The following SPON1 variants were observed in gnomAD, a reference collection of about 807,000 sequenced individuals.
The protein encoded by SPON1 is spondin 1, also known as spondin-1.
In SPON1, 52 loss-of-function variants were observed where a neutral mutation model predicts 111.7. That is an observed-to-expected ratio of 0.47 (90% CI 0.37 to 0.59). The LOEUF is 0.59. Among genes scored for constraint, SPON1 ranks in the 20% least tolerant of loss-of-function variants. The pLI is 0.00. For missense variants in SPON1, 957 were observed against 1,068.5 expected (o/e 0.90, Z 1.46); for synonymous variants, 410 against 395.8 (o/e 1.04, Z -0.43).
chr11:14,167,880 A>C (rs782466384), intron 6 of SPON1, among the ~76,000 whole-genome samples: 2 of 152,210 alleles, frequency 1.3e-5, no homozygotes, highest in African/African-American at 2.4e-5. Flanking sequence ...CATAAAATTA[A>C]CCAAACCCTT....
At chr11:14,257,616 C>A in intron 10 of SPON1, 100 bp from the exon 11 acceptor site, 1 of 1,175,566 alleles carries the variant, frequency 8.5e-7, no homozygotes, top group African/African-American at 1.6e-5. Context: ...GTCAGTCTGG[C>A]AGCATGGCTT....
chr11:14,066,422 A>G (rs999257747), intron 3 of SPON1, among the ~76,000 whole-genome samples: 8 of 152,210 alleles, frequency 5.3e-5, no homozygotes, highest in Non-Finnish European at 4.4e-5. Flanking sequence ...GTTTAAAACA[A>G]TTATAGAAAA....
intron 6 of SPON1, among the ~76,000 whole-genome samples, chr11:14,240,812 G>C (rs1369824988): frequency 3.3e-5 from 5 of 152,136 alleles, no homozygotes; most frequent in Non-Finnish European, 4.4e-5. Context: ...ACTGTCATCA[G>C]ACAGTATCTC....
intron 6 of SPON1, among the ~76,000 whole-genome samples, chr11:14,237,176 G>GA (rs1282019376): frequency 6.6e-6 from 1 of 152,212 alleles, no homozygotes; most frequent in East Asian, 1.9e-4. Context: ...ACCCAGGCAT[G>GA]AAAAAGTTAC....
intron 5 of SPON1, among the ~76,000 whole-genome samples, chr11:14,122,824 T>C (rs1273264494): frequency 6.6e-6 from 1 of 152,164 alleles, no homozygotes; most frequent in Non-Finnish European, 1.5e-5. Context: ...TGTTTTAAAG[T>C]TCTTGTACGT....
At chr11:14,018,827 T>C (rs1254215387) in intron 2 of SPON1, among the ~76,000 whole-genome samples, 1 of 152,102 alleles carries the variant, frequency 6.6e-6, no homozygotes, top group Non-Finnish European at 1.5e-5. Flanking sequence ...GCAAGTTCAG[T>C]GGGCTGGAGG....
rs1848208429 is a variant in SPON1, at chr11:13,989,153, A to AT, written c.345+6202dup. Among the ~76,000 whole-genome samples, 7 of 152,304 alleles carry AT rather than the reference A, an allele frequency of 4.6e-5. No homozygotes were observed. In the South Asian group the frequency reaches 1.5e-3, roughly 32 times the overall value. On this transcript the variant is annotated intron_variant, in intron 2 of 15. Transcript: ENST00000576479. ...AGCTCCTCTTTGTACCTCTGGTAGA[A>AT]TTCAGCTGTGAATCCGTCTGGTCCT...
At chr11:14,152,702 T>C (rs1847802243) in intron 6 of SPON1, among the ~76,000 whole-genome samples, 1 of 152,228 alleles carries the variant, frequency 6.6e-6, no homozygotes, top group Non-Finnish European at 1.5e-5. Flanking sequence ...ACAGGTACTT[T>C]CATATTATCT....
At chr11:14,117,301 A>G (rs1482680862) in intron 5 of SPON1, among the ~76,000 whole-genome samples, 2 of 152,216 alleles carry the variant, frequency 1.3e-5, no homozygotes, top group East Asian at 3.8e-4. Context: ...ATCATTAAGT[A>G]AGATTATTGC....
intron 5 of SPON1, among the ~76,000 whole-genome samples, chr11:14,093,321 T>C (rs1849073718): frequency 6.6e-6 from 1 of 152,232 alleles, no homozygotes; most frequent in Non-Finnish European, 1.5e-5. Flanking sequence ...GCCCATTCTT[T>C]GCCAAGGAAT....
At chr11:14,121,825 A>G (rs1438105974) in intron 5 of SPON1, among the ~76,000 whole-genome samples, 1 of 152,160 alleles carries the variant, frequency 6.6e-6, no homozygotes, top group Admixed American at 6.5e-5. Context: ...TATTTAAAAA[A>G]ACGTTTTATT....
chr11:13,964,738 G>A (rs1314352724), intron 1 of SPON1, among the ~76,000 whole-genome samples: 3 of 152,182 alleles, frequency 2.0e-5, no homozygotes, highest in Non-Finnish European at 4.4e-5. Flanking sequence ...CGCGCCGACG[G>A]GCGGCGACTG....
intron 5 of SPON1, among the ~76,000 whole-genome samples, chr11:14,086,576 A>G (rs1849008282): frequency 6.6e-6 from 1 of 152,202 alleles, no homozygotes; most frequent in South Asian, 2.1e-4. Context: ...TTTCACATCA[A>G]TGTTCATCAG....
chr11:14,263,467 C>T (rs758888013), intron 15 of SPON1, among the ~76,000 whole-genome samples: 3 of 152,110 alleles, frequency 2.0e-5, no homozygotes, highest in Non-Finnish European at 2.9e-5. Context: ...AAGGGTGTGG[C>T]TCAGACAAGG....
At chr11:14,249,437 AAC>A (rs1453316155) in intron 7 of SPON1, among the ~76,000 whole-genome samples, 11 of 152,190 alleles carry the variant, frequency 7.2e-5, no homozygotes, top group African/African-American at 2.7e-4. Flanking sequence ...CCTGGTTATA[AAC>A]ACAGCGTTTT....
chr11:14,232,483 G>A (rs148429246), intron 6 of SPON1, among the ~76,000 whole-genome samples: 8 of 152,242 alleles, frequency 5.3e-5, no homozygotes, highest in Admixed American at 1.3e-4. Context: ...ACTAACCAGA[G>A]CACCTGCAGA....
intron 6 of SPON1, among the ~76,000 whole-genome samples, chr11:14,201,990 A>G (rs1848469759): frequency 6.6e-6 from 1 of 152,230 alleles, no homozygotes; most frequent in African/African-American, 2.4e-5. Flanking sequence ...TACAAAATGG[A>G]TAAATTATTC....
At chr11:14,097,221 A>T (rs533208347) in intron 5 of SPON1, among the ~76,000 whole-genome samples, 2 of 152,352 alleles carry the variant, frequency 1.3e-5, no homozygotes, top group Admixed American at 6.5e-5. Flanking sequence ...TATAAAGTAG[A>T]TTATTAGATA....
chr11:14,094,588 A>G (rs188607317), intron 5 of SPON1, among the ~76,000 whole-genome samples: 30 of 152,284 alleles, frequency 2.0e-4, no homozygotes, highest in Admixed American at 7.8e-4. Flanking sequence ...TAAAACCACT[A>G]GGGTGTTGGC....
Sources: allele counts gnomAD v4.1 joint callset (sites outside exome capture counted in the v4.1 genomes callset), GRCh38; gene constraint gnomAD v4.1.1; transcripts MANE v1.5; gene names NCBI Gene and HGNC (gene_info 2026-07-23, HGNC 2026-07-21).